TNKS: variants seen among roughly 807,000 people sequenced by gnomAD.
The protein encoded by TNKS is poly [ADP-ribose] polymerase tankyrase-1.
TNKS carries 72 observed loss-of-function variants against 135.8 expected under a neutral mutation model. The observed-to-expected ratio is 0.53, with a 90% CI of 0.44 to 0.64. The LOEUF is 0.64. Among genes scored for constraint, TNKS ranks in the 30% least tolerant of loss-of-function variants. TNKS has a pLI of 0.00. For missense variants in TNKS, 1,769 were observed against 1,674.0 expected, an observed-to-expected ratio of 1.06 and a Z score of -0.99; for synonymous variants, 849 against 649.3, an observed-to-expected ratio of 1.31 and a Z score of -4.68.
chr8:9,755,921 A>G (rs1327514142), intron 20 of TNKS, among the ~76,000 whole-genome samples: 1 of 152,226 alleles, frequency 6.6e-6, no homozygotes, highest in Non-Finnish European at 1.5e-5. Context: ...CCTGTTTCCC[A>G]TAGATACTTT....
At chr8:9,595,013 C>T (rs570706316) in intron 2 of TNKS, among the ~76,000 whole-genome samples, 1 of 152,162 alleles carries the variant, frequency 6.6e-6, no homozygotes, top group Non-Finnish European at 1.5e-5. Flanking sequence ...TTCAGTGAAG[C>T]CTTGAAAATC....
chr8:9,752,287 TA>T (rs1453131674), intron 19 of TNKS, among the ~76,000 whole-genome samples: 1 of 152,104 alleles, frequency 6.6e-6, no homozygotes, highest in Non-Finnish European at 1.5e-5. Flanking sequence ...TAAATTACAA[TA>T]AGTTATAATT....
chr8:9,654,419 T>C (rs1801269112), intron 3 of TNKS, among the ~76,000 whole-genome samples: 1 of 152,238 alleles, frequency 6.6e-6, no homozygotes. Context: ...TTTAATACCT[T>C]TGCAACTGAA....
At chr8:9,672,549 G>A (rs1417930434) in intron 3 of TNKS, among the ~76,000 whole-genome samples, 1 of 150,568 alleles carries the variant, frequency 6.6e-6, no homozygotes, top group Non-Finnish European at 1.5e-5. Context: ...AAGGACCTGT[G>A]ATATAGAACA....
chr8:9,758,385 A>G (rs1388619553), intron 20 of TNKS, among the ~76,000 whole-genome samples: 1 of 152,110 alleles, frequency 6.6e-6, no homozygotes, highest in Non-Finnish European at 1.5e-5. Flanking sequence ...GGATAGCCTA[A>G]TAAACATTTT....
chr8:9,620,695 A>G (rs1799832925), intron 3 of TNKS, among the ~76,000 whole-genome samples: 1 of 152,182 alleles, frequency 6.6e-6, no homozygotes, highest in African/African-American at 2.4e-5. Context: ...CTGGGCTAAC[A>G]TAAGCTATTT....
intron 2 of TNKS, among the ~76,000 whole-genome samples, chr8:9,603,591 A>T (rs1799103983): frequency 6.6e-6 from 1 of 152,228 alleles, no homozygotes; most frequent in East Asian, 1.9e-4. Context: ...TTGTACTAGA[A>T]TACCTGTTCT....
At chr8:9,731,233 G>C (rs1043857314) in intron 14 of TNKS, among the ~76,000 whole-genome samples, 198 bp downstream of exon 14, 4 of 152,154 alleles carry the variant, frequency 2.6e-5, no homozygotes, top group Non-Finnish European at 2.9e-5. Context: ...GCGAAGGCGG[G>C]CAGATCACCT....
chr8:9,748,284 C>G (rs1806341167), intron 18 of TNKS, 72 bp downstream of exon 18: 5 of 1,271,012 alleles, frequency 3.9e-6, no homozygotes, highest in African/African-American at 1.5e-5. Flanking sequence ...CTCGGGTTCA[C>G]CAGCTTACTT....
At chr8:9,709,126 C>T (rs1266915231) in intron 9 of TNKS, among the ~76,000 whole-genome samples, 1 of 152,102 alleles carries the variant, frequency 6.6e-6, no homozygotes, top group Non-Finnish European at 1.5e-5. Flanking sequence ...GCATCACAGA[C>T]CTTAAATATA....
intron 25 of TNKS, among the ~76,000 whole-genome samples, chr8:9,767,896 T>G (rs1462947166): frequency 1.3e-5 from 2 of 150,122 alleles, no homozygotes; most frequent in Admixed American, 1.3e-4. Flanking sequence ...GAGGCGGAGG[T>G]TGCAGTGAGC....
intron 3 of TNKS, among the ~76,000 whole-genome samples, chr8:9,651,942 G>T (rs1801163185): frequency 6.6e-6 from 1 of 152,056 alleles, no homozygotes; most frequent in African/African-American, 2.4e-5. Flanking sequence ...TACACTGCAG[G>T]GTTGGTACAT....
At chr8:9,688,944 C>G (rs1228544980) in intron 5 of TNKS, among the ~76,000 whole-genome samples, 2 of 150,058 alleles carry the variant, frequency 1.3e-5, no homozygotes, top group Non-Finnish European at 1.5e-5. Flanking sequence ...CCCGGCCCAG[C>G]AAGTTTTTTC....
chr8:9,610,689 A>G (rs10088037), intron 2 of TNKS, among the ~76,000 whole-genome samples: 43,562 of 151,822 alleles, frequency 0.29, 6,494 homozygotes, highest in East Asian at 0.38. Context: ...TTCTTAAAGC[A>G]TTAGATGCTT....
rs980834605 is a variant in TNKS at position 9,780,572 on chromosome 8, A to G, written c.*3836A>G. ...AAAGCAAATGCACTCGAAAACTACTATTCTAGAACATGAGGCTTCTTCAGC... is the reference window on the plus strand; with the variant it reads ...AAAGCAAATGCACTCGAAAACTACTGTTCTAGAACATGAGGCTTCTTCAGC... On this transcript the variant is annotated 3_prime_UTR_variant, in exon 27 of 27. Coordinates refer to ENST00000310430, the MANE Select transcript of TNKS (RefSeq NM_003747.3). 6.6e-6 allele frequency: 1 copy of G among 152,236 alleles called. No homozygotes were observed. The highest frequency in any genetic ancestry group is 6.5e-5 in the Admixed American group (1 of 15,286). The allele number at this position is 152,236 out of a possible 1,614,324, so 9.4% of individuals were successfully genotyped here.
chr8:9,741,476 G>A (rs942085404), intron 17 of TNKS, among the ~76,000 whole-genome samples: 1 of 152,126 alleles, frequency 6.6e-6, no homozygotes, highest in Admixed American at 6.6e-5. Flanking sequence ...AGCAGTCACG[G>A]AGGATAAGGA....
chr8:9,628,525 T>C (rs1463893075), intron 3 of TNKS, among the ~76,000 whole-genome samples: 1 of 152,120 alleles, frequency 6.6e-6, no homozygotes, highest in Non-Finnish European at 1.5e-5. Context: ...GCTTTTTTTT[T>C]TCTCTCATTT....
In TNKS at chr8:9,708,380, A is replaced by G. The variant is rs773970709; in HGVS notation, c.1466A>G (p.Lys489Arg). The G allele has an allele frequency of 1.3e-6, 2 of 1,598,694 alleles. No homozygotes were observed. The highest frequency in any genetic ancestry group is 1.1e-5 in the South Asian group (1 of 87,342). The change falls in exon 9 of 27, where the codon AAA becomes AGA. Residue 489 changes from lysine to arginine, a missense_variant. Physicochemically the swap from Lys to Arg is conservative, Grantham distance 26. Around this residue, in one of 5 missense-constraint regions of TNKS, gnomAD observed 523 missense variants for 541.0 expected, o/e 0.97. Transcript: ENST00000310430. ...ELRERLTYEFKGHSLLQAARE... is the reference protein window; with the variant it reads ...ELRERLTYEFRGHSLLQAARE... The stretch of plus-strand genomic sequence containing the variant: ...ATTGTTTCATTGACAGATGAATTTA[A>G]AGGTCATTCTTTACTACAAGCAGCC...
At chr8:9,769,580 T>A (rs1415619796) in intron 25 of TNKS, among the ~76,000 whole-genome samples, 1 of 151,520 alleles carries the variant, frequency 6.6e-6, no homozygotes, top group Admixed American at 6.6e-5. Flanking sequence ...TTTCCCTTTT[T>A]CCACCAGGCA....
Sources: gnomAD v4.1 joint callset for allele counts (sites outside exome capture counted in the v4.1 genomes callset) on GRCh38, gnomAD v4.1.1 for gene constraint, gnomAD v4.1.1 regional missense constraint, MANE v1.5 for transcripts, NCBI Gene and HGNC (gene_info 2026-07-23, HGNC 2026-07-21) for gene names.